Variants in INPP4B observed in about 807,000 individuals in gnomAD.
INPP4B encodes inositol polyphosphate-4-phosphatase type II B, also known as inositol polyphosphate 4-phosphatase type II.
Under a neutral mutation model 122.5 loss-of-function variants are expected in INPP4B, and 55 were observed. The ratio of observed to expected loss-of-function variants is 0.45; its 90% CI spans 0.36 to 0.56. The LOEUF is 0.56. Ranked by LOEUF, INPP4B falls within the 20% of genes least tolerant of loss-of-function variation. The probability of loss-of-function intolerance (pLI) is 0.00; values close to 1 mark genes in which losing one functional copy is unlikely to be tolerated. For synonymous variants in INPP4B, 403 were observed against 388.7 expected, an observed-to-expected ratio of 1.04 and a Z score of -0.43; for missense variants, 1,000 against 1,097.7, an observed-to-expected ratio of 0.91 and a Z score of 1.26.
chr4:142,327,314 C>T (rs1393803750), intron 7 of INPP4B, among the ~76,000 whole-genome samples: 3 of 152,042 alleles, frequency 2.0e-5, no homozygotes, highest in East Asian at 3.9e-4. Flanking sequence ...TATCGTGATA[C>T]GGCTTATGTA....
intron 12 of INPP4B, among the ~76,000 whole-genome samples, chr4:142,230,509 G>C (rs1242788261): frequency 1.3e-5 from 2 of 151,876 alleles, no homozygotes; most frequent in East Asian, 1.9e-4. Context: ...TCTGCACGTG[G>C]TGGCGCTTGC....
chr4:142,845,745 G>C (rs1226927024), intron 1 of INPP4B, among the ~76,000 whole-genome samples: 2 of 151,918 alleles, frequency 1.3e-5, no homozygotes, highest in Admixed American at 1.3e-4. Context: ...CGGCGGCGGC[G>C]GCGGCGGCGG....
rs140193771 is a variant in INPP4B at position 142,831,721 on chromosome 4, C to T, written c.-254+14488G>A. On this transcript the variant is annotated intron_variant, in intron 1 of 25. Coordinates refer to ENST00000262992, the MANE Select transcript of INPP4B (RefSeq NM_001101669.3). ...TGAATAATCTGCAAACAAACTTCAC[C>T]TCACACATCAGCAAATATATCTGCA... Among the ~76,000 whole-genome samples the T allele has an allele frequency of 9.9e-5, 15 of 152,278 alleles. No homozygotes were observed. The East Asian group carries it at 2.7e-3, about 27-fold the overall frequency.
At position 142,383,685 on chromosome 4, in the gene INPP4B, GA is replaced by G. The variant is rs372054453; in HGVS notation, c.372+19252del. The G allele has an allele frequency of 3.1e-3, 507 of 165,480 alleles. 2 individuals carry two copies. The highest frequency in any genetic ancestry group is 0.011 in the African/African-American group (465 of 41,756). 10.3% of individuals were successfully genotyped at this position (165,480 alleles called of 1,614,324 possible). A position where few individuals can be genotyped will look rare whatever the true frequency, so the allele number is the denominator to read the frequency against. ...AGAAAAAAAAGTCATATTTTTACCA[GA>G]AAAAAAAATCTATTGTTTTTGGACA... On this transcript the variant is annotated intron_variant, in intron 7 of 25. Coordinates refer to ENST00000262992, the MANE Select transcript of INPP4B (RefSeq NM_001101669.3).
chr4:142,616,957 G>A (rs1458427812), intron 2 of INPP4B, among the ~76,000 whole-genome samples: 1 of 152,018 alleles, frequency 6.6e-6, no homozygotes, highest in Non-Finnish European at 1.5e-5. Context: ...GGTAGGAAGG[G>A]TATGAGGAAT....
At chr4:142,104,476 G>C (rs536065481) in intron 23 of INPP4B, among the ~76,000 whole-genome samples, 1 of 152,282 alleles carries the variant, frequency 6.6e-6, no homozygotes, top group South Asian at 2.1e-4. Context: ...TTCCCAGGCT[G>C]ATCAAAGGGG....
chr4:142,653,911 A>G (rs538887396), intron 2 of INPP4B, among the ~76,000 whole-genome samples: 49 of 152,198 alleles, frequency 3.2e-4, no homozygotes, highest in Non-Finnish European at 6.3e-4. Flanking sequence ...CTATAAAGAC[A>G]CATGCACACA....
intron 2 of INPP4B, among the ~76,000 whole-genome samples, chr4:142,642,706 C>T (rs1393080627): frequency 6.6e-6 from 1 of 152,146 alleles, no homozygotes; most frequent in Non-Finnish European, 1.5e-5. Context: ...TAGCGTGATG[C>T]CTCCAGCTTT....
intron 2 of INPP4B, among the ~76,000 whole-genome samples, chr4:142,598,207 G>T (rs998416579): frequency 6.6e-6 from 1 of 152,062 alleles, no homozygotes; most frequent in Non-Finnish European, 1.5e-5. Context: ...ACAGGGAAAG[G>T]GTAAGTGAGA....
chr4:142,200,873 G>C (rs1219532471), intron 14 of INPP4B, among the ~76,000 whole-genome samples: 1 of 151,936 alleles, frequency 6.6e-6, no homozygotes, highest in Non-Finnish European at 1.5e-5. Flanking sequence ...CTAAATTCTA[G>C]AAAGGCATTT....
intron 9 of INPP4B, among the ~76,000 whole-genome samples, chr4:142,274,196 C>G (rs959561641): frequency 6.6e-5 from 10 of 151,870 alleles, no homozygotes; most frequent in Non-Finnish European, 1.5e-5. Context: ...TATGGAAATT[C>G]ATCACATCTG....
chr4:142,554,410 G>A (rs756419515), intron 2 of INPP4B, among the ~76,000 whole-genome samples: 8 of 149,198 alleles, frequency 5.4e-5, no homozygotes, highest in Non-Finnish European at 1.0e-4. Flanking sequence ...TCCTCTAATT[G>A]GTCTCCCATA....
chr4:142,248,924 G>A (rs1411732180), intron 11 of INPP4B, among the ~76,000 whole-genome samples: 1 of 151,794 alleles, frequency 6.6e-6, no homozygotes, highest in African/African-American at 2.4e-5. Context: ...GTGCCCAGAG[G>A]TTGTTAACAT....
At chr4:142,567,719 A>C (rs1046200530) in intron 2 of INPP4B, among the ~76,000 whole-genome samples, 3 of 152,186 alleles carry the variant, frequency 2.0e-5, no homozygotes, top group African/African-American at 7.2e-5. Context: ...ACATAAACAC[A>C]GCACTTTGTA....
chr4:142,404,378 A>G (rs909583594), intron 6 of INPP4B, among the ~76,000 whole-genome samples: 1 of 152,218 alleles, frequency 6.6e-6, no homozygotes, highest in Non-Finnish European at 1.5e-5. Flanking sequence ...TCACAAGTCT[A>G]AGAAAAACAA....
chr4:142,531,124 A>AG (rs1827557774), intron 2 of INPP4B, among the ~76,000 whole-genome samples: 1 of 152,048 alleles, frequency 6.6e-6, no homozygotes, highest in African/African-American at 2.4e-5. Flanking sequence ...GCTTTAAGGT[A>AG]GGGGGCGGAG....
At chr4:142,438,238 T>C (rs902274228) in intron 3 of INPP4B, among the ~76,000 whole-genome samples, 4 of 152,140 alleles carry the variant, frequency 2.6e-5, no homozygotes, top group Non-Finnish European at 5.9e-5. Context: ...AGAGCCTGTA[T>C]AACAAATATA....
intron 2 of INPP4B, among the ~76,000 whole-genome samples, chr4:142,616,487 A>G (rs1222805292): frequency 6.6e-6 from 1 of 152,168 alleles, no homozygotes; most frequent in Non-Finnish European, 1.5e-5. Context: ...GAGACCTCTC[A>G]ATTTTTAAGG....
In INPP4B at chr4:142,024,272, T is replaced by C. The variant is rs1383346362; in HGVS notation, c.*4510A>G. On this transcript the variant is annotated 3_prime_UTR_variant, in exon 26 of 26. Coordinates refer to ENST00000262992, the MANE Select transcript of INPP4B (RefSeq NM_001101669.3). ...CAAAAGATATAATATATTGGGACTT[T>C]ATAAGCTAAGAAACATAAATACAGG... is the stretch of plus-strand genomic sequence containing the variant. 6.6e-6 allele frequency: 1 copy of C among 152,174 alleles called. No individual in the cohort carries two copies. The highest frequency in any genetic ancestry group is 1.5e-5 in the Non-Finnish European group (1 of 68,032). The allele number at this position is 152,174 out of a possible 1,614,324, so 9.4% of individuals were successfully genotyped here. A position where few individuals can be genotyped will look rare whatever the true frequency, so the allele number is the denominator to read the frequency against.
Sources: allele counts gnomAD v4.1 joint callset (sites outside exome capture counted in the v4.1 genomes callset), GRCh38; gene constraint gnomAD v4.1.1; transcripts MANE v1.5; gene names NCBI Gene and HGNC (gene_info 2026-07-23, HGNC 2026-07-21).